The following NCAPD3 variants were observed in gnomAD, a reference collection of about 807,000 sequenced individuals.
NCAPD3 encodes the protein condensin-2 complex subunit D3.
NCAPD3 carries 105 observed loss-of-function variants against 182.9 expected under a neutral mutation model. The ratio of observed to expected loss-of-function variants is 0.57; its 90% CI spans 0.49 to 0.68. The LOEUF (loss-of-function observed/expected upper bound fraction) is 0.68, where lower values mean the gene tolerates loss of function less well. Ranked by LOEUF, NCAPD3 falls within the 30% of genes least tolerant of loss-of-function variation. NCAPD3 has a pLI of 0.00. For missense variants in NCAPD3, 1,944 were observed against 1,837.0 expected, an observed-to-expected ratio of 1.06 and a Z score of -1.07; for synonymous variants, 815 against 679.9, an observed-to-expected ratio of 1.20 and a Z score of -3.09.
At chr11:134,153,659 G>T (rs1203622612) in intron 32 of NCAPD3, 2 of 465,318 alleles carry the variant, frequency 4.3e-6, no homozygotes, top group Admixed American at 3.5e-5. Flanking sequence ...CATTGCCCCT[G>T]TCCCGGTGAC....
At chr11:134,183,347 C>G (rs745779910) in intron 19 of NCAPD3, among the ~76,000 whole-genome samples, 1 of 152,146 alleles carries the variant, frequency 6.6e-6, no homozygotes, top group Non-Finnish European at 1.5e-5. Context: ...AGCAGGCGAT[C>G]ACTTGAGATC....
chr11:134,206,751 T>C lies in NCAPD3; in HGVS notation c.883-19A>G, dbSNP rs1255970484. 2 of 1,595,482 alleles carry C rather than the reference T, an allele frequency of 1.3e-6. No individual in the cohort carries two copies. The highest frequency in any genetic ancestry group is 1.4e-5 in the African/African-American group (1 of 73,336). ...TGATGACCTAGAAGAGAAAAGAAAA[T>C]TCAATTTAAGATCGGATGGAGAACA... On this transcript the variant is annotated intron_variant, in intron 7 of 34. Coordinates refer to ENST00000534548, the MANE Select transcript of NCAPD3 (RefSeq NM_015261.3).
intron 13 of NCAPD3, among the ~76,000 whole-genome samples, chr11:134,199,930 T>A (rs1197435686): frequency 6.6e-6 from 1 of 152,118 alleles, no homozygotes; most frequent in African/African-American, 2.4e-5. Context: ...AGCACACAAA[T>A]AAGCTCATGA....
Position 134,168,137 on chromosome 11 carries a change from G to T in NCAPD3, c.3432C>A (p.Asp1144Glu). The T allele has an allele frequency of 1.2e-6, 2 of 1,614,164 alleles. No homozygotes were observed. The highest frequency in any genetic ancestry group is 1.7e-6 in the Non-Finnish European group (2 of 1,179,996). ...LDLDASELLS[D>E]TFEVLSSKEI... ...CCTTTGAGCTGAGGACCTCAAACGT[G>T]TCTGAGAGTAACTCACTGGCGTCCA... Residue 1144 changes from aspartate to glutamate, a missense_variant, in exon 27 of 35, where the codon GAC (aspartate) becomes GAA (glutamate). Asp to Glu is a conservative substitution (Grantham distance 45, BLOSUM62 2). This residue lies in a region of NCAPD3 where 1,803 missense variants were observed against 1,674.6 expected (regional missense o/e 1.08). Transcript: ENST00000534548.
At chr11:134,214,154 T>TA (rs1401695799) in intron 3 of NCAPD3, among the ~76,000 whole-genome samples, 1 of 151,458 alleles carries the variant, frequency 6.6e-6, no homozygotes, top group East Asian at 1.9e-4. Context: ...TTCACCAAAT[T>TA]AGACTCTAAG....
chr11:134,184,506 G>A (rs1435156582), intron 19 of NCAPD3, 131 bp downstream of exon 19: 16 of 615,588 alleles, frequency 2.6e-5, no homozygotes, highest in South Asian at 4.7e-5. Context: ...GCCTTGTTGC[G>A]GCAATAGCTG....
At chr11:134,212,644 A>T (rs1591862788) in intron 3 of NCAPD3, among the ~76,000 whole-genome samples, 1 of 152,278 alleles carries the variant, frequency 6.6e-6, no homozygotes, top group East Asian at 1.9e-4. Flanking sequence ...TGCCGGCAGC[A>T]GCCTCCCAAA....
chr11:134,224,076 A>G (rs1266561631), upstream of NCAPD3: 3 of 912,840 alleles, frequency 3.3e-6, no homozygotes, highest in East Asian at 2.7e-5. Context: ...CGCTCAACCA[A>G]TCACCGGCGT....
chr11:134,157,636 C>T (rs1031657203), intron 31 of NCAPD3, among the ~76,000 whole-genome samples: 13 of 152,136 alleles, frequency 8.5e-5, no homozygotes, highest in South Asian at 2.1e-4. Flanking sequence ...AAACAATGCA[C>T]GCACAGATCA....
chr11:134,154,454 GTC>G (rs376435396), intron 32 of NCAPD3, among the ~76,000 whole-genome samples: 72 of 149,516 alleles, frequency 4.8e-4, no homozygotes, highest in African/African-American at 1.7e-3. Flanking sequence ...AGCAGGCCCT[GTC>G]TGCACATTAT....
At chr11:134,221,279 T>C (rs538735691) in intron 1 of NCAPD3, among the ~76,000 whole-genome samples, 1 of 152,340 alleles carries the variant, frequency 6.6e-6, no homozygotes, top group Admixed American at 6.5e-5. Flanking sequence ...AGAATGTACA[T>C]TGAGAGGAGG....
Position 134,183,173 on chromosome 11 carries a change from G to C in NCAPD3, c.2451+1464C>G, listed in dbSNP as rs375277326. 6.6e-6 allele frequency: 3 copies of C among 456,066 alleles called. No individual in the cohort carries two copies. The East Asian group carries it at 2.1e-4, about 32-fold the overall frequency. The allele number at this position is 456,066 out of a possible 1,614,324, so 28.3% of individuals were successfully genotyped here. A position where few individuals can be genotyped will look rare whatever the true frequency, so the allele number is the denominator to read the frequency against. On this transcript the variant is annotated intron_variant, in intron 19 of 34. Coordinates refer to ENST00000534548, the MANE Select transcript of NCAPD3 (RefSeq NM_015261.3). ...CCAGTGCTGGTGAAAAGAAAATTAGGAAAAAGTCAGAGGCCTTAGTTCTAG... is the reference window on the plus strand; with the variant it reads ...CCAGTGCTGGTGAAAAGAAAATTAGCAAAAAGTCAGAGGCCTTAGTTCTAG...
chr11:134,174,132 T>A (rs1378259674), intron 24 of NCAPD3, among the ~76,000 whole-genome samples: 1 of 151,964 alleles, frequency 6.6e-6, no homozygotes, highest in Non-Finnish European at 1.5e-5. Context: ...GACTCAAGCC[T>A]GTAATTCCCA....
chr11:134,177,495 TA>T, intron 22 of NCAPD3, 38 bp from the exon 23 acceptor site: 2 of 1,561,508 alleles, frequency 1.3e-6, no homozygotes, highest in Non-Finnish European at 8.8e-7. Context: ...AACTGTATTC[TA>T]AATCCTAATT....
Position 134,210,379 on chromosome 11 carries a change from T to C in NCAPD3, c.458A>G (p.Gln153Arg). The change falls in exon 4 of 35, where the codon CAG (glutamine) becomes CGG (arginine). Residue 153 changes from glutamine (Q) to arginine (R), a missense_variant. This residue lies in a region of NCAPD3 where 1,803 missense variants were observed against 1,674.6 expected (regional missense o/e 1.08). Coordinates refer to ENST00000534548, the MANE Select transcript of NCAPD3 (RefSeq NM_015261.3). ...TCTTTTCCGATTCAAGTTAGATTCCTGGGGCCAGCTCTTCTTTAGAGTCTG... is the reference window on the plus strand; with the variant it reads ...TCTTTTCCGATTCAAGTTAGATTCCCGGGGCCAGCTCTTCTTTAGAGTCTG... Reference protein sequence around the residue: ...CIQTLKKSWPQESNLNRKRKK... With the variant: ...CIQTLKKSWPRESNLNRKRKK... 6.2e-7 allele frequency: 1 copy of C among 1,614,226 alleles called. No individual in the cohort carries two copies. The highest frequency in any genetic ancestry group is 8.5e-7 in the Non-Finnish European group (1 of 1,180,016).
Position 134,184,710 on chromosome 11 carries a change from T to C in NCAPD3, c.2378A>G (p.Glu793Gly). The C allele has an allele frequency of 6.2e-7, 1 of 1,613,910 alleles. No individual in the cohort carries two copies. Among genetic ancestry groups the C allele is most frequent in the Admixed American group, 1.7e-5 (1 of 59,996 alleles). Residue 793 changes from glutamate (E) to glycine (G), a missense_variant, in exon 19 of 35, where the codon GAG (glutamate) becomes GGG (glycine). Coordinates refer to ENST00000534548, the MANE Select transcript of NCAPD3 (RefSeq NM_015261.3). The part of the protein sequence containing the change: ...CKLNGFQWSL[E>G]VISSAVDALQ... ...GGCGTCAACAGCTGAACTGATCACC[T>C]CTAGAGACCACTGAAATCCATTCAG...
At chr11:134,166,617 A>G (rs1160829935) in intron 27 of NCAPD3, among the ~76,000 whole-genome samples, 2 of 23,076 alleles carry the variant, frequency 8.7e-5, no homozygotes, top group Non-Finnish European at 1.5e-4. Flanking sequence ...GAGCTTGGAG[A>G]GGCACACTCA....
chr11:134,158,553 G>A, intron 29 of NCAPD3, 58 bp from the exon 30 acceptor site: 2 of 1,534,456 alleles, frequency 1.3e-6, no homozygotes, highest in East Asian at 2.3e-5. Context: ...TTCAAAAACG[G>A]ATATATGATA....
intron 7 of NCAPD3, among the ~76,000 whole-genome samples, chr11:134,208,369 T>G (rs756067368): frequency 2.0e-5 from 3 of 152,250 alleles, no homozygotes; most frequent in African/African-American, 7.2e-5. Flanking sequence ...CAGGTATCCA[T>G]GCTGACCACG....
Sources: allele counts gnomAD v4.1 joint callset (sites outside exome capture counted in the v4.1 genomes callset), GRCh38; gene constraint gnomAD v4.1.1; regional missense constraint gnomAD v4.1.1; transcripts MANE v1.5; gene names NCBI Gene and HGNC (gene_info 2026-07-23, HGNC 2026-07-21).